Variants in PDE4D observed in about 807,000 individuals in gnomAD.
PDE4D encodes the protein phosphodiesterase 4D.
PDE4D carries 24 observed loss-of-function variants against 87.4 expected under a neutral mutation model. The observed-to-expected ratio is 0.27, with a 90% CI of 0.20 to 0.39. The LOEUF is 0.39. Ranked by LOEUF, PDE4D falls within the 10% of genes least tolerant of loss-of-function variation. The pLI is 1.00. For synonymous variants in PDE4D, 384 were observed against 383.2 expected, an observed-to-expected ratio of 1.00 and a Z score of -0.02; for missense variants, 714 against 1,041.0, an observed-to-expected ratio of 0.69 and a Z score of 4.32.
At chr5:60,344,088 T>C (rs760147566) in intron 1 of PDE4D, among the ~76,000 whole-genome samples, 2 of 152,096 alleles carry the variant, frequency 1.3e-5, no homozygotes, top group African/African-American at 2.4e-5. Flanking sequence ...TCTTAAGTCA[T>C]ACCTCTTGGC....
rs1032698166 is a variant in PDE4D at position 58,975,486 on chromosome 5, A to T, written c.2013+171T>A. Among the ~76,000 whole-genome samples the T allele has an allele frequency of 1.3e-5, 2 of 152,216 alleles. No homozygotes were observed. The highest frequency in any genetic ancestry group is 4.8e-5 in the African/African-American group (2 of 41,456). On this transcript the variant is annotated intron_variant, in intron 14 of 14. Transcript: ENST00000340635. The surrounding 1 kb of genome is among the most constrained non-coding windows in gnomAD (Gnocchi z 4.2). Reference sequence around the variant, plus strand: ...ATATATATATGACTATATGAATGTAAGTCATAAGAATGAAAGTTCTTTGGA... The same window carrying T: ...ATATATATATGACTATATGAATGTATGTCATAAGAATGAAAGTTCTTTGGA...
intron 2 of PDE4D, among the ~76,000 whole-genome samples, chr5:60,075,109 T>C (rs765348275): frequency 2.2e-4 from 33 of 152,198 alleles, no homozygotes; most frequent in Non-Finnish European, 4.0e-4. Context: ...CACTGGTCTG[T>C]GTACTTATAG....
chr5:59,568,577 AC>A (rs1821324121), intron 1 of PDE4D, among the ~76,000 whole-genome samples: 1 of 143,936 alleles, frequency 6.9e-6, no homozygotes, highest in African/African-American at 2.6e-5. Context: ...ATCAAGGTTA[AC>A]ATCTTTAGTC....
Position 60,081,523 on chromosome 5 carries a change from C to T in PDE4D, c.43-92806G>A, listed in dbSNP as rs145505984. Among the ~76,000 whole-genome samples, 107 of 152,212 alleles carry T rather than the reference C, an allele frequency of 7.0e-4. 1 individual carries two copies. The highest frequency in any genetic ancestry group is 2.5e-3 in the African/African-American group (105 of 41,556). On this transcript the variant is annotated intron_variant, in intron 2 of 16. Coordinates refer to the PDE4D transcript ENST00000502484. The stretch of plus-strand genomic sequence containing the variant: ...GATATTTCCAGCTTTCTTATGTGGG[C>T]ATTTAGTGCTATAAATTTCCCTCTT...
At chr5:59,468,045 A>T (rs1448714623) in intron 1 of PDE4D, among the ~76,000 whole-genome samples, 4 of 152,204 alleles carry the variant, frequency 2.6e-5, no homozygotes, top group African/African-American at 9.7e-5. Context: ...TCCATTGAGG[A>T]TTTTAAGAAA....
chr5:59,117,664 A>G (rs1165153531), intron 5 of PDE4D, among the ~76,000 whole-genome samples: 1 of 152,186 alleles, frequency 6.6e-6, no homozygotes, highest in Non-Finnish European at 1.5e-5. Context: ...TGTTGCAGGA[A>G]TATGCTGGAA....
At chr5:60,520,147 T>C (rs1750971033) in intron 1 of PDE4D, among the ~76,000 whole-genome samples, 1 of 152,094 alleles carries the variant, frequency 6.6e-6, no homozygotes, top group South Asian at 2.1e-4. Context: ...TTTTGTGCAA[T>C]GTACAGACAT....
intron 1 of PDE4D, among the ~76,000 whole-genome samples, chr5:59,485,232 T>C (rs1804920331): frequency 6.6e-6 from 1 of 152,198 alleles, no homozygotes; most frequent in African/African-American, 2.4e-5. Context: ...GACTCTATCA[T>C]CTATTAGTAT....
At chr5:60,230,523 C>G (rs986991209) in intron 1 of PDE4D, among the ~76,000 whole-genome samples, 1 of 152,090 alleles carries the variant, frequency 6.6e-6, no homozygotes, top group Non-Finnish European at 1.5e-5. Flanking sequence ...GGGACTTTCA[C>G]CACCAATGTA....
At chr5:60,146,931 T>G (rs1246671285) in intron 2 of PDE4D, among the ~76,000 whole-genome samples, 1 of 152,106 alleles carries the variant, frequency 6.6e-6, no homozygotes, top group African/African-American at 2.4e-5. Context: ...ACCTCATACC[T>G]GTTGAATGGC....
intron 1 of PDE4D, chr5:59,430,191 C>T: frequency 9.3e-7 from 1 of 1,070,606 alleles, no homozygotes; most frequent in Non-Finnish European, 1.2e-6. Context: ...AAACTAACTT[C>T]TCACCCTGAC....
chr5:60,356,536 C>T (rs1052468335), intron 1 of PDE4D, among the ~76,000 whole-genome samples: 7 of 152,118 alleles, frequency 4.6e-5, no homozygotes, highest in Admixed American at 1.3e-4. Flanking sequence ...TCTGGCTACA[C>T]CAATATCTAC....
intron 1 of PDE4D, among the ~76,000 whole-genome samples, chr5:60,517,417 T>C (rs545082523): frequency 1.3e-5 from 2 of 152,226 alleles, no homozygotes; most frequent in Non-Finnish European, 2.9e-5. Context: ...GCCAGGCTGC[T>C]AGTTCCACAG....
intron 1 of PDE4D, among the ~76,000 whole-genome samples, chr5:60,277,296 T>TA (rs61417152): frequency 0.097 from 14,702 of 151,954 alleles, 2,385 homozygotes; most frequent in African/African-American, 0.34. Context: ...GAAACAGATT[T>TA]AAAAATATAT....
chr5:58,986,777 GAAGAA>G (rs1040287427), intron 11 of PDE4D, among the ~76,000 whole-genome samples: 3 of 152,120 alleles, frequency 2.0e-5, no homozygotes, highest in African/African-American at 7.2e-5. Flanking sequence ...TCAAAAGAAT[GAAGAA>G]TAGAGCAGGT....
At chr5:60,314,650 C>T (rs1254662335) in intron 1 of PDE4D, among the ~76,000 whole-genome samples, 1 of 151,862 alleles carries the variant, frequency 6.6e-6, no homozygotes, top group Non-Finnish European at 1.5e-5. Flanking sequence ...CCCCACCCCA[C>T]AACAGGCCCC....
At chr5:60,163,602 C>T (rs961819419) in intron 2 of PDE4D, among the ~76,000 whole-genome samples, 1 of 152,152 alleles carries the variant, frequency 6.6e-6, no homozygotes, top group African/African-American at 2.4e-5. Flanking sequence ...TACTTGTGCT[C>T]ATCACTTCAG....
At chr5:59,560,917 T>C (rs1018583574) in intron 1 of PDE4D, 1 of 152,164 alleles carries the variant, frequency 6.6e-6, no homozygotes, top group Non-Finnish European at 1.5e-5. Context: ...TGGAAAGCCT[T>C]GAAAGATTTC....
At chr5:59,153,655 C>T (rs1208040122) in intron 5 of PDE4D, among the ~76,000 whole-genome samples, 1 of 152,044 alleles carries the variant, frequency 6.6e-6, no homozygotes, top group African/African-American at 2.4e-5. Flanking sequence ...TACTTCAGGT[C>T]TATTGAACAC....
Sources: gnomAD v4.1 joint callset for allele counts (sites outside exome capture counted in the v4.1 genomes callset) on GRCh38, gnomAD v4.1.1 for gene constraint, Gnocchi (gnomAD v3.1) non-coding constraint, MANE v1.5 for transcripts, NCBI Gene and HGNC (gene_info 2026-07-23, HGNC 2026-07-21) for gene names.